The following PCDHGA7 variants were observed in gnomAD, a reference collection of about 807,000 sequenced individuals.
PCDHGA7 encodes the protein protocadherin gamma subfamily A, 7.
In PCDHGA7, 44 loss-of-function variants were observed where a neutral mutation model predicts 58.3. The observed-to-expected ratio is 0.75, with a 90% CI of 0.59 to 0.97. The LOEUF (loss-of-function observed/expected upper bound fraction) is 0.97. Ranked by LOEUF, PCDHGA7 falls within the 50% of genes least tolerant of loss-of-function variation. PCDHGA7 has a pLI of 0.00. For synonymous variants in PCDHGA7, 516 were observed against 504.2 expected (o/e 1.02, Z -0.31); for missense variants, 1,266 against 1,188.7 (o/e 1.06, Z -0.96).
rs567684479 is a variant in PCDHGA7 at position 141,432,875 on chromosome 5, G to T, written c.2424+47552G>T. The T allele has an allele frequency of 6.2e-7, 1 of 1,614,178 alleles. No individual in the cohort carries two copies. Among genetic ancestry groups the T allele is most frequent in the South Asian group, 1.1e-5 (1 of 91,084 alleles). ...GGCCGCGGTCTCCTGCGTCTTCCTG[G>T]CCTTCGTCATCTTGCTGCTGGCGCT... On this transcript the variant is annotated intron_variant, in intron 1 of 3. Coordinates refer to ENST00000518325, the MANE Select transcript of PCDHGA7 (RefSeq NM_018920.4). This position sits in a 1 kb window ranked among gnomAD's most constrained non-coding sequence, Gnocchi z 6.0.
rs779542409 is a variant in PCDHGA7, at chr5:141,392,788, T to G, written c.2424+7465T>G. The G allele has an allele frequency of 3.9e-6, 6 of 1,553,762 alleles. No individual in the cohort carries two copies. The East Asian group carries it at 1.1e-4, about 30-fold the overall frequency. On this transcript the variant is annotated intron_variant, in intron 1 of 3. Coordinates refer to ENST00000518325, the MANE Select transcript of PCDHGA7 (RefSeq NM_018920.4). ...ACCCATTTATGCACAGTGAAGATTC[T>G]GAGAGGATTCTGCAGCAAAACAACA...
chr5:141,432,887 T>A lies in PCDHGA7; in HGVS notation c.2424+47564T>A, dbSNP rs146168033. On this transcript the variant is annotated intron_variant, in intron 1 of 3. Coordinates refer to ENST00000518325, the MANE Select transcript of PCDHGA7 (RefSeq NM_018920.4). The surrounding 1 kb of genome is among the most constrained non-coding windows in gnomAD (Gnocchi z 6.0). ...CTGCGTCTTCCTGGCCTTCGTCATC[T>A]TGCTGCTGGCGCTCAGGCTGCGGCG... 1.2e-6 allele frequency: 2 copies of A among 1,614,056 alleles called. No homozygotes were observed. Among genetic ancestry groups the A allele is most frequent in the Non-Finnish European group, 1.7e-6 (2 of 1,179,998 alleles).
chr5:141,455,833 G>A (rs999291826), intron 1 of PCDHGA7, among the ~76,000 whole-genome samples: 1 of 151,468 alleles, frequency 6.6e-6, no homozygotes, highest in Admixed American at 6.6e-5. Flanking sequence ...CCCTTTTCCT[G>A]TCTATCTGCA....
chr5:141,393,565 T>G, intron 1 of PCDHGA7: 1 of 1,613,912 alleles, frequency 6.2e-7, no homozygotes, highest in Non-Finnish European at 8.5e-7. Context: ...CGAGTGAAAG[T>G]CCTTGAGAAC....
chr5:141,404,358 C>T (rs746085915), intron 1 of PCDHGA7: 19 of 1,613,846 alleles, frequency 1.2e-5, no homozygotes, highest in Non-Finnish European at 1.6e-5. Context: ...GCCAGAGGTA[C>T]TTCCATCTTC....
At position 141,384,826 on chromosome 5, in the gene PCDHGA7, G is replaced by C. The variant is rs750050142; in HGVS notation, c.1927G>C (p.Val643Leu). ...CAGAGATGCCCTCAAGCAGAGCCTC[G>C]TGGTGGCCGTCCAGGACCACGGTCA... ...LDRDALKQSL[V>L]VAVQDHGQPP... Residue 643 changes from valine (V) to leucine (L), a missense_variant, in exon 1 of 4, where the codon GTG becomes CTG. Transcript: ENST00000518325. The C allele has an allele frequency of 6.2e-7, 1 of 1,613,472 alleles. No homozygotes were observed. The highest frequency in any genetic ancestry group is 8.5e-7 in the Non-Finnish European group (1 of 1,179,900).
chr5:141,477,063 A>G lies in PCDHGA7; in HGVS notation c.2425-17744A>G, dbSNP rs2099404387. 6.2e-7 allele frequency: 1 copy of G among 1,614,248 alleles called. No individual in the cohort carries two copies. On this transcript the variant is annotated intron_variant, in intron 1 of 3. Coordinates refer to ENST00000518325, the MANE Select transcript of PCDHGA7 (RefSeq NM_018920.4). The surrounding 1 kb of genome is among the most constrained non-coding windows in gnomAD (Gnocchi z 4.9). Reference sequence around the variant, plus strand: ...GGTCGGCTGGACTTCGAGGACACCAAACTCCATGAGATTTACATCCAGGCC... The same window carrying G: ...GGTCGGCTGGACTTCGAGGACACCAGACTCCATGAGATTTACATCCAGGCC...
chr5:141,428,523 T>G, intron 1 of PCDHGA7: 1 of 278,554 alleles, frequency 3.6e-6, no homozygotes, highest in Non-Finnish European at 7.1e-6. Context: ...AAAGAAGATT[T>G]AATTTTCTCA....
At chr5:141,428,836 C>T (rs926107154) in intron 1 of PCDHGA7, 1 of 150,686 alleles carries the variant, frequency 6.6e-6, no homozygotes, top group African/African-American at 2.5e-5. Context: ...ATTTTTGAAA[C>T]ATTTTCACCA....
chr5:141,508,904 T>C (rs1421450229), intron 3 of PCDHGA7, among the ~76,000 whole-genome samples: 2 of 151,336 alleles, frequency 1.3e-5, no homozygotes, highest in African/African-American at 4.9e-5. Context: ...GGCGGGGCGG[T>C]GGCGGATCTG....
chr5:141,392,810 A>C (rs772526220), intron 1 of PCDHGA7: 1 of 1,580,390 alleles, frequency 6.3e-7, no homozygotes, highest in South Asian at 1.2e-5. Flanking sequence ...GCAGCAAAAC[A>C]ACAATGGCCG....
chr5:141,465,643 C>T (rs561758040), intron 1 of PCDHGA7, among the ~76,000 whole-genome samples: 2 of 152,306 alleles, frequency 1.3e-5, no homozygotes, highest in East Asian at 3.9e-4. Flanking sequence ...ATGCTTTGAA[C>T]ATCCCAAAAA....
At chr5:141,475,762 G>A (rs4151701) in intron 1 of PCDHGA7, among the ~76,000 whole-genome samples, 9,255 of 152,346 alleles carry the variant, frequency 0.061, 562 homozygotes, top group African/African-American at 0.16. Context: ...CACCGATACT[G>A]GCAAGGCGCT....
Position 141,486,445 on chromosome 5 carries a change from G to A in PCDHGA7, c.2425-8362G>A. On this transcript the variant is annotated intron_variant, in intron 1 of 3. Coordinates refer to ENST00000518325, the MANE Select transcript of PCDHGA7 (RefSeq NM_018920.4). The surrounding 1 kb of genome is among the most constrained non-coding windows in gnomAD (Gnocchi z 5.0). ...AGGCCAAATCTAGCTATGACATCAT[G>A]GTCACTGCTTCTGATGCTGGGAACC... 6.2e-7 allele frequency: 1 copy of A among 1,613,948 alleles called. No homozygotes were observed. The highest frequency in any genetic ancestry group is 8.5e-7 in the Non-Finnish European group (1 of 1,179,862).
chr5:141,390,263 T>G (rs1249972080), intron 1 of PCDHGA7: 2 of 1,614,054 alleles, frequency 1.2e-6, no homozygotes, highest in Non-Finnish European at 1.7e-6. Context: ...GTAATTCCAG[T>G]GAATTGACTT....
At position 141,477,131 on chromosome 5, in the gene PCDHGA7, TTGG is replaced by T; in HGVS notation, c.2425-17672_2425-17670del. 1 of 1,614,130 alleles carries T rather than the reference TTGG, an allele frequency of 6.2e-7. No individual in the cohort carries two copies. The highest frequency in any genetic ancestry group is 8.5e-7 in the Non-Finnish European group (1 of 1,180,014). On this transcript the variant is annotated intron_variant, in intron 1 of 3. Transcript: ENST00000518325. The surrounding 1 kb of genome is among the most constrained non-coding windows in gnomAD (Gnocchi z 4.9). The stretch of plus-strand genomic sequence containing the variant: ...TCCCGAAGGAGCACATTGCAAAGTG[TTGG>T]TGGAGGTTGTGGATGTGAATGACAA...
At chr5:141,412,195 C>T (rs1326751515) in intron 1 of PCDHGA7, 2 of 152,208 alleles carry the variant, frequency 1.3e-5, no homozygotes, top group African/African-American at 4.8e-5. Context: ...CTGATGAAAA[C>T]AGGTCATTTG....
chr5:141,408,125 C>T, intron 1 of PCDHGA7: 1 of 1,478,650 alleles, frequency 6.8e-7, no homozygotes, highest in South Asian at 1.4e-5. Context: ...CTGTCCTGGG[C>T]CGAATGCTCT....
At chr5:141,440,280 A>G (rs1389627767) in intron 1 of PCDHGA7, 1 of 152,220 alleles carries the variant, frequency 6.6e-6, no homozygotes, top group East Asian at 1.9e-4. Context: ...CAGCCTGACC[A>G]ACATAGTGAA....
Sources: allele counts gnomAD v4.1 joint callset (sites outside exome capture counted in the v4.1 genomes callset), GRCh38; gene constraint gnomAD v4.1.1; non-coding constraint Gnocchi (gnomAD v3.1); transcripts MANE v1.5; gene names NCBI Gene and HGNC (gene_info 2026-07-23, HGNC 2026-07-21).